ZRANB3: variants seen among roughly 807,000 people sequenced by gnomAD.
ZRANB3 encodes DNA annealing helicase and endonuclease ZRANB3.
A neutral mutation model predicts 133.8 loss-of-function variants in ZRANB3; 125 were observed. That is an observed-to-expected ratio of 0.93 (90% confidence interval 0.81 to 1.08). The LOEUF (loss-of-function observed/expected upper bound fraction) is 1.08. Among genes scored for constraint, ZRANB3 ranks in the 50% least tolerant of loss-of-function variants. The probability of loss-of-function intolerance (pLI) is 0.00; values close to 1 mark genes in which losing one functional copy is unlikely to be tolerated. For missense variants in ZRANB3, 1,229 were observed against 1,275.5 expected (o/e 0.96, Z 0.56); for synonymous variants, 387 against 432.7 (o/e 0.89, Z 1.31).
chr2:135,439,571 T>C (rs182235219), intron 2 of ZRANB3, among the ~76,000 whole-genome samples: 302 of 152,318 alleles, frequency 2.0e-3, no homozygotes, highest in Non-Finnish European at 4.0e-3. Flanking sequence ...ACAATGATAA[T>C]AGTTATAAGA....
At chr2:135,414,314 A>C (rs1688451823) in intron 2 of ZRANB3, among the ~76,000 whole-genome samples, 1 of 152,188 alleles carries the variant, frequency 6.6e-6, no homozygotes, top group Non-Finnish European at 1.5e-5. Context: ...CTAGTCTCGG[A>C]TAAAACAGAC....
At chr2:135,269,782 C>T (rs1308584730) in intron 10 of ZRANB3, among the ~76,000 whole-genome samples, 1 of 152,142 alleles carries the variant, frequency 6.6e-6, no homozygotes, top group African/African-American at 2.4e-5. Context: ...AAAAATGTGT[C>T]AAACTAAAAA....
intron 17 of ZRANB3, among the ~76,000 whole-genome samples, chr2:135,216,966 G>GA (rs1694336937): frequency 1.3e-5 from 2 of 152,168 alleles, no homozygotes; most frequent in African/African-American, 4.8e-5. Flanking sequence ...ACAAATATCT[G>GA]ACGGTCAACC....
chr2:135,332,757 C>T (rs1684206445), intron 6 of ZRANB3, among the ~76,000 whole-genome samples: 1 of 152,170 alleles, frequency 6.6e-6, no homozygotes, highest in Admixed American at 6.6e-5. Flanking sequence ...TTCATACTCA[C>T]TATGTCTTTA....
At chr2:135,481,222 G>C (rs371597933) in intron 2 of ZRANB3, among the ~76,000 whole-genome samples, 3 of 150,982 alleles carry the variant, frequency 2.0e-5, no homozygotes, top group Admixed American at 1.3e-4. Flanking sequence ...CTAGTTTACA[G>C]TCCCACCAAC....
intron 8 of ZRANB3, among the ~76,000 whole-genome samples, chr2:135,277,327 C>G (rs1680876073): frequency 6.6e-6 from 1 of 152,138 alleles, no homozygotes; most frequent in Admixed American, 6.5e-5. Flanking sequence ...TTATTGAAGG[C>G]CACAGTCTAT....
At chr2:135,391,390 C>T (rs1024948484) in intron 2 of ZRANB3, among the ~76,000 whole-genome samples, 2 of 152,108 alleles carry the variant, frequency 1.3e-5, no homozygotes, top group South Asian at 4.2e-4. Context: ...CCTTCAAAAA[C>T]GTGAGCAAAG....
rs376134582 is a variant in ZRANB3, at chr2:135,207,646, A to C, written c.2797T>G (p.Ser933Ala). 24 of 1,613,918 alleles carry C rather than the reference A, an allele frequency of 1.5e-5. No homozygotes were observed. Among genetic ancestry groups the C allele is most frequent in the South Asian group, 2.2e-5 (2 of 91,090 alleles). The change falls in exon 19 of 21, where the codon TCA becomes GCA. Residue 933 changes from serine (S) to alanine (A), a missense_variant. Transcript: ENST00000264159. The stretch of plus-strand genomic sequence containing the variant: ...TGACATTTCAGAGAGCAAAACCGTG[A>C]ATCCCAAGAGTTCGCTTTACATGCT... ...KQACKANSWD[S>A]RFCSLKCQEE... is the part of the protein sequence containing the mutation.
chr2:135,241,326 A>G (rs968780027), intron 12 of ZRANB3, among the ~76,000 whole-genome samples: 2 of 146,844 alleles, frequency 1.4e-5, no homozygotes, highest in African/African-American at 2.5e-5. Flanking sequence ...TTTGGCAGTC[A>G]TATTTTTAAC....
At chr2:135,478,704 T>C (rs1691617229) in intron 2 of ZRANB3, among the ~76,000 whole-genome samples, 1 of 152,116 alleles carries the variant, frequency 6.6e-6, no homozygotes, top group African/African-American at 2.4e-5. Context: ...ACTATGTGAA[T>C]ATACCATGAT....
chr2:135,363,883 C>T (rs1386789515), intron 3 of ZRANB3, among the ~76,000 whole-genome samples: 1 of 152,014 alleles, frequency 6.6e-6, no homozygotes, highest in Non-Finnish European at 1.5e-5. Context: ...TTGAGATCAG[C>T]CTGGGCAATA....
intron 12 of ZRANB3, among the ~76,000 whole-genome samples, chr2:135,244,343 C>T (rs138130250): frequency 0.026 from 4,005 of 152,176 alleles, 165 homozygotes; most frequent in African/African-American, 0.091. Flanking sequence ...TTGGGGCTCA[C>T]GCCTGTAATC....
intron 2 of ZRANB3, among the ~76,000 whole-genome samples, chr2:135,412,871 G>C (rs2104956572): frequency 6.6e-6 from 1 of 152,118 alleles, no homozygotes; most frequent in South Asian, 2.1e-4. Flanking sequence ...TTTTTTTAAA[G>C]CTTATGAACA....
chr2:135,212,705 G>C (rs1383744051), intron 17 of ZRANB3, among the ~76,000 whole-genome samples: 1 of 152,164 alleles, frequency 6.6e-6, no homozygotes, highest in Non-Finnish European at 1.5e-5. Flanking sequence ...ATAGAGAAGG[G>C]AGAATGTTGT....
intron 2 of ZRANB3, among the ~76,000 whole-genome samples, chr2:135,413,302 G>C (rs185085886): frequency 1.3e-5 from 2 of 152,194 alleles, no homozygotes; most frequent in South Asian, 4.1e-4. Flanking sequence ...TCTCTTACGT[G>C]TTATGTGGTC....
chr2:135,300,370 T>A (rs72982341), intron 8 of ZRANB3, among the ~76,000 whole-genome samples: 9,438 of 152,200 alleles, frequency 0.062, 580 homozygotes, highest in African/African-American at 0.16. Context: ...ATGAAGATTT[T>A]AAAAAAACCA....
At chr2:135,358,912 G>T (rs1195336737) in intron 3 of ZRANB3, among the ~76,000 whole-genome samples, 1 of 151,756 alleles carries the variant, frequency 6.6e-6, no homozygotes, top group Admixed American at 6.6e-5. Context: ...GGCCCACATG[G>T]TAAGAACCCT....
intron 1 of ZRANB3, among the ~76,000 whole-genome samples, chr2:135,516,098 CCT>C (rs200439909): frequency 0.012 from 1,768 of 151,966 alleles, 16 homozygotes; most frequent in Middle Eastern, 0.045. Flanking sequence ...GATTGCAACC[CCT>C]GTTTTTTCTT....
At chr2:135,383,184 G>A (rs577299175) in intron 3 of ZRANB3, among the ~76,000 whole-genome samples, 36 of 152,164 alleles carry the variant, frequency 2.4e-4, no homozygotes, top group Admixed American at 7.9e-4. Flanking sequence ...AAAAAAGGCA[G>A]CAGTTGCAAT....
Sources: gnomAD v4.1 joint callset for allele counts (sites outside exome capture counted in the v4.1 genomes callset) on GRCh38, gnomAD v4.1.1 for gene constraint, MANE v1.5 for transcripts, NCBI Gene and HGNC (gene_info 2026-07-23, HGNC 2026-07-21) for gene names.